COL26A1: variants seen among roughly 807,000 people sequenced by gnomAD.
COL26A1 encodes collagen alpha-1(XXVI) chain.
In COL26A1, 41 loss-of-function variants were observed where a neutral mutation model predicts 59.3. The observed-to-expected ratio is 0.69, with a 90% CI of 0.54 to 0.90. The LOEUF (loss-of-function observed/expected upper bound fraction) is 0.90. Among genes scored for constraint, COL26A1 ranks in the 40% least tolerant of loss-of-function variants. The probability of loss-of-function intolerance (pLI) is 0.00; values close to 1 mark genes in which losing one functional copy is unlikely to be tolerated. For synonymous variants in COL26A1, 266 were observed against 256.0 expected (o/e 1.04, Z -0.37); for missense variants, 612 against 602.3 (o/e 1.02, Z -0.17).
At chr7:101,455,104 G>A (rs996834236) in intron 3 of COL26A1, among the ~76,000 whole-genome samples, 20 of 146,838 alleles carry the variant, frequency 1.4e-4, no homozygotes, top group African/African-American at 5.1e-4. Flanking sequence ...GTGCAGTGGT[G>A]CCATCTCCAC....
intron 1 of COL26A1, among the ~76,000 whole-genome samples, chr7:101,370,648 A>C (rs541358382): frequency 6.6e-6 from 1 of 152,314 alleles, no homozygotes; most frequent in African/African-American, 2.4e-5. Flanking sequence ...CTGGGATTAC[A>C]GGCATGAGCC....
At chr7:101,447,039 G>T (rs1562984230) in intron 2 of COL26A1, among the ~76,000 whole-genome samples, 1 of 152,042 alleles carries the variant, frequency 6.6e-6, no homozygotes, top group African/African-American at 2.4e-5. Flanking sequence ...TGGAATCGTA[G>T]GGGGTCGAAG....
At chr7:101,520,633 T>C (rs76728729) in intron 3 of COL26A1, among the ~76,000 whole-genome samples, 11,371 of 137,210 alleles carry the variant, frequency 0.083, 515 homozygotes, top group Admixed American at 0.1. Context: ...CACAGACACA[T>C]ACACACACAC....
intron 1 of COL26A1, among the ~76,000 whole-genome samples, chr7:101,391,854 C>CTTTTCTTTTCT (rs1554404564): frequency 1.3e-5 from 2 of 149,238 alleles, no homozygotes; most frequent in African/African-American, 4.9e-5. Flanking sequence ...CATGCCAAGC[C>CTTTTCTTTTCT]TTTCTTTTCT....
intron 3 of COL26A1, among the ~76,000 whole-genome samples, chr7:101,481,496 G>T (rs572171725): frequency 6.6e-6 from 1 of 150,564 alleles, no homozygotes; most frequent in East Asian, 1.9e-4. Context: ...CTGTCACCCC[G>T]GCTGGAGTGC....
At chr7:101,485,316 C>A (rs1274197395) in intron 3 of COL26A1, among the ~76,000 whole-genome samples, 2 of 152,200 alleles carry the variant, frequency 1.3e-5, no homozygotes, top group Admixed American at 6.5e-5. Context: ...TTCCAGCTCA[C>A]CTGCGTGAGG....
At position 101,517,237 on chromosome 7, in the gene COL26A1, G is replaced by A. The variant is rs190458584; in HGVS notation, c.386-15845G>A. Among the ~76,000 whole-genome samples the A allele has an allele frequency of 1.6e-4, 24 of 152,332 alleles. No individual in the cohort carries two copies. In the East Asian group the frequency reaches 4.4e-3, roughly 28 times the overall value. ...TGTGAGCGCAGTATTCCCCAGAGAT[G>A]TGGATGGATCTCCTTCACCTGTTCC... On this transcript the variant is annotated intron_variant, in intron 3 of 12. Transcript: ENST00000313669.
chr7:101,409,848 C>G (rs979985998), intron 1 of COL26A1, among the ~76,000 whole-genome samples: 1 of 152,116 alleles, frequency 6.6e-6, no homozygotes, highest in Non-Finnish European at 1.5e-5. Flanking sequence ...GCAACCTCCA[C>G]CTCCCGGGTT....
chr7:101,551,785 T>C (rs1286559655), intron 10 of COL26A1, among the ~76,000 whole-genome samples: 4 of 151,334 alleles, frequency 2.6e-5, no homozygotes, highest in Non-Finnish European at 5.9e-5. Flanking sequence ...CTCCTGCCTC[T>C]AGGGCCAAGG....
intron 1 of COL26A1, among the ~76,000 whole-genome samples, chr7:101,373,565 G>A (rs1791241756): frequency 6.6e-6 from 1 of 151,976 alleles, no homozygotes; most frequent in Admixed American, 6.6e-5. Flanking sequence ...TTCTCCTTTG[G>A]GACACCGAGG....
At chr7:101,480,484 T>C (rs1022547083) in intron 3 of COL26A1, among the ~76,000 whole-genome samples, 1 of 152,144 alleles carries the variant, frequency 6.6e-6, no homozygotes, top group East Asian at 1.9e-4. Context: ...ATCTTTCTGA[T>C]TGTTTTAATT....
At chr7:101,391,238 C>T (rs543589149) in intron 1 of COL26A1, among the ~76,000 whole-genome samples, 4 of 152,256 alleles carry the variant, frequency 2.6e-5, no homozygotes, top group South Asian at 2.1e-4. Context: ...CATGACTGTG[C>T]GTGGGAGCAT....
At chr7:101,396,274 A>G (rs972029355) in intron 1 of COL26A1, among the ~76,000 whole-genome samples, 10 of 151,940 alleles carry the variant, frequency 6.6e-5, no homozygotes, top group African/African-American at 1.9e-4. Context: ...TCTTTAAAAC[A>G]CAACACAACA....
chr7:101,507,190 C>G (rs1251011304), intron 3 of COL26A1, among the ~76,000 whole-genome samples: 6 of 152,200 alleles, frequency 3.9e-5, no homozygotes, highest in African/African-American at 1.4e-4. Context: ...ACTGGGATTA[C>G]AGATGTGAGC....
intron 3 of COL26A1, among the ~76,000 whole-genome samples, chr7:101,473,417 C>T (rs1793953014): frequency 6.6e-6 from 1 of 152,016 alleles, no homozygotes; most frequent in Admixed American, 6.6e-5. Flanking sequence ...CTGCTAGGAC[C>T]CCACCCAGAG....
At chr7:101,386,670 G>C (rs13437962) in intron 1 of COL26A1, among the ~76,000 whole-genome samples, 9,363 of 152,176 alleles carry the variant, frequency 0.062, 651 homozygotes, top group African/African-American at 0.16. Flanking sequence ...TGGACCCACT[G>C]GGACAGCGCT....
rs1233442666 is a variant in COL26A1 at position 101,533,104 on chromosome 7, C to T, written c.408C>T (p.Leu136=). The T allele has an allele frequency of 6.2e-7, 1 of 1,608,232 alleles. No individual in the cohort carries two copies. Among genetic ancestry groups the T allele is most frequent in the Non-Finnish European group, 8.5e-7 (1 of 1,178,106 alleles). ...CDEECMNCTR[L]SDMSERLTTL... Reference sequence around the variant, plus strand: ...CAGAATGCATGAACTGCACCCGGCTCAGTGACATGAGTGAGCGACTGACCA... The same window carrying T: ...CAGAATGCATGAACTGCACCCGGCTTAGTGACATGAGTGAGCGACTGACCA... Residue 136 remains leucine, a synonymous_variant, in exon 4 of 13, where the codon CTC becomes CTT. Transcript: ENST00000313669.
intron 1 of COL26A1, among the ~76,000 whole-genome samples, chr7:101,385,962 C>T (rs538790832): frequency 6.6e-6 from 1 of 152,278 alleles, no homozygotes; most frequent in East Asian, 1.9e-4. Flanking sequence ...CTGCCTGCCT[C>T]GGCCTCCCAA....
At chr7:101,532,648 C>T (rs550813976) in intron 3 of COL26A1, among the ~76,000 whole-genome samples, 14 of 152,240 alleles carry the variant, frequency 9.2e-5, no homozygotes, top group Admixed American at 6.5e-4. Context: ...CCCTTCCTAC[C>T]CTGTGTCTAT....
Sources: gnomAD v4.1 joint callset for allele counts (sites outside exome capture counted in the v4.1 genomes callset) on GRCh38, gnomAD v4.1.1 for gene constraint, MANE v1.5 for transcripts, NCBI Gene and HGNC (gene_info 2026-07-23, HGNC 2026-07-21) for gene names.